The following GABRA4 variants were observed in gnomAD, a reference collection of about 807,000 sequenced individuals.
The protein encoded by GABRA4 is gamma-aminobutyric acid type A receptor subunit alpha4.
In GABRA4, 12 loss-of-function variants were observed where a neutral mutation model predicts 49.7. The ratio of observed to expected loss-of-function variants is 0.24; its 90% confidence interval spans 0.15 to 0.39. GABRA4 has a LOEUF of 0.39. GABRA4 is among the 10% of genes least tolerant of loss of function. The pLI is 1.00. For synonymous variants in GABRA4, 288 were observed against 240.2 expected (o/e 1.20, Z -1.84); for missense variants, 506 against 686.0 (o/e 0.74, Z 2.93).
At chr4:46,950,205 T>C (rs1722122651) in intron 8 of GABRA4, among the ~76,000 whole-genome samples, 1 of 152,044 alleles carries the variant, frequency 6.6e-6, no homozygotes, top group African/African-American at 2.4e-5. Context: ...AAGCATAAAC[T>C]GCTTCAAGTC....
intron 7 of GABRA4, among the ~76,000 whole-genome samples, chr4:46,969,630 T>G (rs1403996898): frequency 1.3e-5 from 2 of 151,482 alleles, no homozygotes; most frequent in East Asian, 3.9e-4. Flanking sequence ...AGAAAGTAAT[T>G]AATACGAACT....
chr4:46,985,586 T>C (rs1249286298), intron 2 of GABRA4, among the ~76,000 whole-genome samples: 1 of 152,012 alleles, frequency 6.6e-6, no homozygotes, highest in Non-Finnish European at 1.5e-5. Context: ...TAATGATATA[T>C]ACAAATGCAA....
At chr4:46,948,920 CT>C (rs1370189021) in intron 8 of GABRA4, among the ~76,000 whole-genome samples, 1 of 152,088 alleles carries the variant, frequency 6.6e-6, no homozygotes, top group East Asian at 1.9e-4. Flanking sequence ...AATTTTACTC[CT>C]TTCCATATAT....
In GABRA4 at chr4:46,919,098, C is replaced by G. The variant is rs1352927646; in HGVS notation, c.*9127G>C. On this transcript the variant is annotated 3_prime_UTR_variant, in exon 9 of 9. Coordinates refer to ENST00000264318, the MANE Select transcript of GABRA4 (RefSeq NM_000809.4). ...TCATTTTCCAGTGAGAAATTGAGAC[C>G]TGAATAATTCTACAATGCTATGCTC... is the stretch of plus-strand genomic sequence containing the variant. 2 of 151,302 alleles carry G rather than the reference C, an allele frequency of 1.3e-5. No homozygotes were observed. Among genetic ancestry groups the G allele is most frequent in the Admixed American group, 6.6e-5 (1 of 15,172 alleles). The allele number at this position is 151,302 out of a possible 1,614,324, so 9.4% of individuals were successfully genotyped here.
At chr4:46,938,268 C>G (rs1469793368) in intron 8 of GABRA4, among the ~76,000 whole-genome samples, 1 of 151,960 alleles carries the variant, frequency 6.6e-6, no homozygotes, top group East Asian at 1.9e-4. Context: ...TTGCACAATG[C>G]TTTATTCTTA....
intron 4 of GABRA4, 61 bp from the exon 5 acceptor site, chr4:46,977,204 A>G: frequency 2.6e-6 from 3 of 1,141,328 alleles, no homozygotes; most frequent in Non-Finnish European, 3.8e-6. Flanking sequence ...GTGACTTTAG[A>G]TTCTAAAATA....
intron 2 of GABRA4, among the ~76,000 whole-genome samples, chr4:46,980,160 C>T (rs1450452311): frequency 1.3e-5 from 2 of 151,956 alleles, no homozygotes; most frequent in East Asian, 3.9e-4. Context: ...ATAATGTGCT[C>T]AATAATGACA....
At chr4:46,964,890 G>T in intron 8 of GABRA4, 80 bp downstream of exon 8, 2 of 1,416,670 alleles carry the variant, frequency 1.4e-6, no homozygotes, top group Non-Finnish European at 9.5e-7. Context: ...GGATTTTTAA[G>T]TTCTCAGTTT....
intron 8 of GABRA4, among the ~76,000 whole-genome samples, chr4:46,950,837 C>T (rs1722150351): frequency 6.6e-6 from 1 of 151,986 alleles, no homozygotes; most frequent in Admixed American, 6.6e-5. Flanking sequence ...TCCTTCAAAG[C>T]AAGATATCCT....
chr4:46,970,290 A>T (rs188545902), intron 7 of GABRA4, among the ~76,000 whole-genome samples: 91 of 151,650 alleles, frequency 6.0e-4, no homozygotes, highest in Non-Finnish European at 6.1e-4. Context: ...TGAGGAATAC[A>T]CCACCATTCC....
intron 6 of GABRA4, among the ~76,000 whole-genome samples, 169 bp from the exon 7 acceptor site, chr4:46,971,404 T>A (rs981825321): frequency 2.6e-5 from 4 of 151,434 alleles, no homozygotes; most frequent in Non-Finnish European, 5.9e-5. Flanking sequence ...AGGGAGAAAA[T>A]GATATTGAAC....
At chr4:46,952,639 G>A (rs1722212198) in intron 8 of GABRA4, among the ~76,000 whole-genome samples, 1 of 152,018 alleles carries the variant, frequency 6.6e-6, no homozygotes, top group Non-Finnish European at 1.5e-5. Flanking sequence ...AATAGCAAAA[G>A]GGAAAATTGG....
intron 8 of GABRA4, among the ~76,000 whole-genome samples, chr4:46,930,809 A>C (rs1721401587): frequency 6.6e-6 from 1 of 151,888 alleles, no homozygotes; most frequent in Non-Finnish European, 1.5e-5. Flanking sequence ...TCCTGCCTAA[A>C]ATGACCCCCA....
chr4:46,939,791 T>C (rs1448177070), intron 8 of GABRA4, among the ~76,000 whole-genome samples: 1 of 152,034 alleles, frequency 6.6e-6, no homozygotes, highest in Non-Finnish European at 1.5e-5. Flanking sequence ...AATTTTCTCA[T>C]GATTAGAAAA....
At chr4:46,992,556 C>G (rs1219505363) in intron 2 of GABRA4, 3 of 465,410 alleles carry the variant, frequency 6.4e-6, no homozygotes, top group Non-Finnish European at 1.2e-5. Context: ...ATTTTTGACT[C>G]TTCCTCTCCA....
chr4:46,952,150 C>T (rs1577762918), intron 8 of GABRA4, among the ~76,000 whole-genome samples: 1 of 151,778 alleles, frequency 6.6e-6, no homozygotes, highest in Non-Finnish European at 1.5e-5. Flanking sequence ...TACTGGTCAT[C>T]GATATGAAGA....
In GABRA4 at chr4:46,926,605, G is replaced by A. The variant is rs1721238094; in HGVS notation, c.*1620C>T. 6.6e-6 allele frequency: 1 copy of A among 151,874 alleles called. No homozygotes were observed. The highest frequency in any genetic ancestry group is 2.1e-4 in the South Asian group (1 of 4,830). The allele number at this position is 151,874 out of a possible 1,614,324, so 9.4% of individuals were successfully genotyped here. On this transcript the variant is annotated 3_prime_UTR_variant, in exon 9 of 9. Transcript: ENST00000264318. ...AAACAAAAAGAGAGAGAGAGATTTT[G>A]TCTGCAAGGTGGTCATTTCTATCAA... is the stretch of plus-strand genomic sequence containing the variant.
rs189124910 is a variant in GABRA4, at chr4:46,945,092, G to A, written c.1135-16337C>T. Among the ~76,000 whole-genome samples the A allele has an allele frequency of 5.3e-5, 8 of 152,262 alleles. No individual in the cohort carries two copies. In the East Asian group the frequency reaches 1.4e-3, roughly 26 times the overall value. ...AGTAAGTAGTTGGCAGAGCTATAAA[G>A]TCAAAAGTAGCACATTTAAATCCAC... On this transcript the variant is annotated intron_variant, in intron 8 of 8. Transcript: ENST00000264318.
Position 46,919,263 on chromosome 4 carries a change from C to T in GABRA4, c.*8962G>A, listed in dbSNP as rs1398494209. 1 of 151,242 alleles carries T rather than the reference C, an allele frequency of 6.6e-6. No individual in the cohort carries two copies. Among genetic ancestry groups the T allele is most frequent in the Non-Finnish European group, 1.5e-5 (1 of 67,486 alleles). The allele number at this position is 151,242 out of a possible 1,614,324, so 9.4% of individuals were successfully genotyped here. A position where few individuals can be genotyped will look rare whatever the true frequency, so the allele number is the denominator to read the frequency against. On this transcript the variant is annotated 3_prime_UTR_variant, in exon 9 of 9. Coordinates refer to ENST00000264318, the MANE Select transcript of GABRA4 (RefSeq NM_000809.4). ...TGATGAATTACTTTAAAATAGTAAA[C>T]CAATATTTGATAATGCTCCTTTTTT...
Sources: gnomAD v4.1 joint callset for allele counts (sites outside exome capture counted in the v4.1 genomes callset) on GRCh38, gnomAD v4.1.1 for gene constraint, MANE v1.5 for transcripts, NCBI Gene and HGNC (gene_info 2026-07-23, HGNC 2026-07-21) for gene names.